The following CHST9 variants were observed in gnomAD, a reference collection of about 807,000 sequenced individuals.
CHST9 encodes carbohydrate sulfotransferase 9.
In CHST9, 41 loss-of-function variants were observed where a neutral mutation model predicts 44.4. The observed-to-expected ratio is 0.92, with a 90% CI of 0.72 to 1.20. The LOEUF (loss-of-function observed/expected upper bound fraction) is 1.20, where lower values mean the gene tolerates loss of function less well. Among genes scored for constraint, CHST9 ranks in the 50% most tolerant of loss-of-function variants. The pLI is 0.00. For missense variants in CHST9, 504 were observed against 516.5 expected, an observed-to-expected ratio of 0.98 and a Z score of 0.23; for synonymous variants, 171 against 178.4, an observed-to-expected ratio of 0.96 and a Z score of 0.33.
chr18:27,063,449 C>G (rs889239008), intron 2 of CHST9, among the ~76,000 whole-genome samples: 5 of 152,152 alleles, frequency 3.3e-5, no homozygotes, highest in African/African-American at 7.2e-5. Context: ...TATAAATGAT[C>G]ATCATCAAAT....
chr18:27,054,854 A>G (rs1008218469), intron 2 of CHST9, among the ~76,000 whole-genome samples: 5 of 152,156 alleles, frequency 3.3e-5, no homozygotes, highest in Admixed American at 2.6e-4. Flanking sequence ...GTTTATACAC[A>G]TTTATATGTA....
At chr18:27,053,760 C>T (rs1031635376) in intron 2 of CHST9, among the ~76,000 whole-genome samples, 2 of 152,142 alleles carry the variant, frequency 1.3e-5, no homozygotes, top group Admixed American at 6.5e-5. Flanking sequence ...AGGAATTACA[C>T]CTTCACCCCA....
At chr18:27,165,707 A>C (rs544607836) in intron 1 of CHST9, among the ~76,000 whole-genome samples, 1 of 152,326 alleles carries the variant, frequency 6.6e-6, no homozygotes, top group African/African-American at 2.4e-5. Context: ...TATGAAATGT[A>C]TCAAAAATTT....
chr18:26,978,600 G>A (rs2056654008), intron 4 of CHST9, among the ~76,000 whole-genome samples: 1 of 152,014 alleles, frequency 6.6e-6, no homozygotes, highest in Admixed American at 6.6e-5. Flanking sequence ...TGATGCAGAG[G>A]GATAAACACA....
chr18:27,139,825 A>G (rs2058549998), intron 2 of CHST9, among the ~76,000 whole-genome samples: 1 of 152,222 alleles, frequency 6.6e-6, no homozygotes, highest in Non-Finnish European at 1.5e-5. Flanking sequence ...ATAATTTTCC[A>G]ACACTTGGGA....
chr18:27,118,010 A>C (rs1270172712), intron 2 of CHST9, among the ~76,000 whole-genome samples: 1 of 152,232 alleles, frequency 6.6e-6, no homozygotes, highest in Non-Finnish European at 1.5e-5. Context: ...TCCCACCAAT[A>C]ACGAATGAGA....
intron 1 of CHST9, among the ~76,000 whole-genome samples, chr18:27,177,253 C>A (rs970015346): frequency 6.6e-6 from 1 of 151,818 alleles, no homozygotes; most frequent in Admixed American, 6.6e-5. Context: ...TCCTTCTAAT[C>A]GACTGTTCAA....
chr18:26,970,712 G>A (rs1031046168), intron 4 of CHST9, among the ~76,000 whole-genome samples: 14 of 152,192 alleles, frequency 9.2e-5, no homozygotes, highest in African/African-American at 3.4e-4. Context: ...ATAGGCGTGA[G>A]CCAATGCGCC....
intron 2 of CHST9, among the ~76,000 whole-genome samples, chr18:27,088,325 C>A (rs2058032764): frequency 6.6e-6 from 1 of 151,780 alleles, no homozygotes; most frequent in African/African-American, 2.4e-5. Flanking sequence ...CTCACACATT[C>A]AATTTCCCAT....
At chr18:27,122,155 G>T (rs1205650984) in intron 2 of CHST9, among the ~76,000 whole-genome samples, 3 of 152,202 alleles carry the variant, frequency 2.0e-5, no homozygotes, top group Non-Finnish European at 1.5e-5. Flanking sequence ...ACGCACCAGT[G>T]TATTTAAAAT....
chr18:27,138,405 A>G (rs1387059410), intron 2 of CHST9, among the ~76,000 whole-genome samples: 1 of 152,068 alleles, frequency 6.6e-6, no homozygotes, highest in Non-Finnish European at 1.5e-5. Flanking sequence ...ACTCAATCCT[A>G]TCCTTCTCCT....
At chr18:27,165,273 GC>G (rs1689382444) in intron 1 of CHST9, among the ~76,000 whole-genome samples, 1 of 152,160 alleles carries the variant, frequency 6.6e-6, no homozygotes, top group South Asian at 2.1e-4. Flanking sequence ...AGAGTAAGAT[GC>G]TATTAACTTC....
chr18:27,077,474 A>C (rs1444652566), intron 2 of CHST9, among the ~76,000 whole-genome samples: 4 of 152,182 alleles, frequency 2.6e-5, no homozygotes, highest in Non-Finnish European at 4.4e-5. Flanking sequence ...TGAATCTTCC[A>C]TAGCACTCAG....
intron 1 of CHST9, among the ~76,000 whole-genome samples, chr18:27,167,413 G>A (rs1235510627): frequency 6.6e-6 from 1 of 152,090 alleles, no homozygotes; most frequent in Non-Finnish European, 1.5e-5. Flanking sequence ...ATTTGTTTTT[G>A]CTCTCCACTA....
intron 2 of CHST9, among the ~76,000 whole-genome samples, chr18:27,048,707 T>C (rs1441675901): frequency 6.6e-6 from 1 of 152,172 alleles, no homozygotes; most frequent in Admixed American, 6.6e-5. Context: ...TAAATAACTA[T>C]GCATTAAATG....
chr18:26,977,588 C>T (rs532065204), intron 4 of CHST9, among the ~76,000 whole-genome samples: 1 of 152,234 alleles, frequency 6.6e-6, no homozygotes, highest in East Asian at 1.9e-4. Flanking sequence ...TAGGGCTATA[C>T]AGATAGCAAT....
chr18:27,143,757 G>T (rs567941127), intron 1 of CHST9, among the ~76,000 whole-genome samples: 181 of 151,970 alleles, frequency 1.2e-3, no homozygotes, highest in African/African-American at 4.3e-3. Flanking sequence ...ACACGTGGAT[G>T]CAGGGAGGGG....
At chr18:27,012,242 T>C (rs2057094027) in intron 4 of CHST9, among the ~76,000 whole-genome samples, 1 of 152,088 alleles carries the variant, frequency 6.6e-6, no homozygotes, top group Non-Finnish European at 1.5e-5. Flanking sequence ...AACTTTTGAC[T>C]CCCCCAAAAT....
At chr18:27,092,409 GT>G (rs561100895) in intron 2 of CHST9, among the ~76,000 whole-genome samples, 72 of 150,538 alleles carry the variant, frequency 4.8e-4, no homozygotes, top group African/African-American at 1.6e-3. Flanking sequence ...TGGATTCATT[GT>G]TTTTTTTTGA....
Sources: allele counts gnomAD v4.1 joint callset (sites outside exome capture counted in the v4.1 genomes callset), GRCh38; gene constraint gnomAD v4.1.1; transcripts MANE v1.5; gene names NCBI Gene and HGNC (gene_info 2026-07-23, HGNC 2026-07-21).